The following HDAC4 variants were observed in gnomAD, a reference collection of about 807,000 sequenced individuals.
HDAC4 encodes the protein histone deacetylase 4, also known as histone deacetylase A.
Under a neutral mutation model 135.1 loss-of-function variants are expected in HDAC4, and 16 were observed. The ratio of observed to expected loss-of-function variants is 0.12; its 90% CI spans 0.08 to 0.18. HDAC4 has a LOEUF of 0.18. Ranked by LOEUF, HDAC4 falls within the 10% of genes least tolerant of loss-of-function variation. The probability of loss-of-function intolerance (pLI) is 1.00; values close to 1 mark genes in which losing one functional copy is unlikely to be tolerated. For missense variants in HDAC4, 1,143 were observed against 1,511.8 expected (o/e 0.76, Z 4.05); for synonymous variants, 685 against 653.4 (o/e 1.05, Z -0.74).
intron 2 of HDAC4, among the ~76,000 whole-genome samples, chr2:239,322,648 A>G (rs2053352612): frequency 6.6e-6 from 1 of 152,200 alleles, no homozygotes; most frequent in Admixed American, 6.5e-5. Context: ...TGCTTACAGC[A>G]GCCTGGCATG....
At chr2:239,174,744 A>G (rs2043650765) in intron 5 of HDAC4, among the ~76,000 whole-genome samples, 1 of 152,250 alleles carries the variant, frequency 6.6e-6, no homozygotes, top group Non-Finnish European at 1.5e-5. Flanking sequence ...TAACAACTTT[A>G]GAAGAAATGA....
chr2:239,131,148 G>C (rs2040553581), intron 11 of HDAC4, among the ~76,000 whole-genome samples: 1 of 152,258 alleles, frequency 6.6e-6, no homozygotes, highest in African/African-American at 2.4e-5. Context: ...CCTGTGACTG[G>C]CGAGGAACTG....
At chr2:239,347,640 G>A (rs1025701265) in intron 2 of HDAC4, among the ~76,000 whole-genome samples, 3 of 151,978 alleles carry the variant, frequency 2.0e-5, no homozygotes, top group South Asian at 2.1e-4. Context: ...TCAGCCTCCC[G>A]AGTAGCTGGG....
chr2:239,112,870 C>T (rs571601536), intron 13 of HDAC4, among the ~76,000 whole-genome samples: 7 of 152,188 alleles, frequency 4.6e-5, no homozygotes, highest in Admixed American at 6.5e-5. Context: ...CAGAGCCCAG[C>T]CCTGTGCTGC....
chr2:239,070,369 A>G (rs1195141648), intron 22 of HDAC4, among the ~76,000 whole-genome samples: 1 of 152,256 alleles, frequency 6.6e-6, no homozygotes, highest in Non-Finnish European at 1.5e-5. Flanking sequence ...GGAAATAAGG[A>G]AAGTATTCTA....
At chr2:239,087,479 ACT>A (rs748697609) in intron 19 of HDAC4, 78 bp downstream of exon 19, 8 of 1,386,216 alleles carry the variant, frequency 5.8e-6, no homozygotes, top group South Asian at 1.2e-5. Flanking sequence ...CCCCGCAGTC[ACT>A]CACACACCCA....
In HDAC4 at chr2:239,094,679, C is replaced by T. The variant is rs114348487; in HGVS notation, c.2280+331G>A. On this transcript the variant is annotated intron_variant, in intron 17 of 26. Coordinates refer to ENST00000543185, the MANE Select transcript of HDAC4 (RefSeq NM_001378414.1). The stretch of plus-strand genomic sequence containing the variant: ...GCACGCATCCTACCCGCACCATACT[C>T]GTGGCCTGATGTGAGCAGATTACTG... 4,053 of 1,209,182 alleles carry T rather than the reference C, an allele frequency of 3.4e-3. 121 individuals are homozygous for T. In the African/African-American group the frequency reaches 0.058, roughly 17 times the overall value. The allele number at this position is 1,209,182 out of a possible 1,614,324, so 74.9% of individuals were successfully genotyped here.
At chr2:239,095,799 C>A (rs996634874) in intron 16 of HDAC4, among the ~76,000 whole-genome samples, 1 of 152,196 alleles carries the variant, frequency 6.6e-6, no homozygotes, top group African/African-American at 2.4e-5. Context: ...CAGCTTAAAA[C>A]CCATCTGTGG....
At chr2:239,375,776 G>GC (rs1276176561) in intron 1 of HDAC4, among the ~76,000 whole-genome samples, 2 of 152,188 alleles carry the variant, frequency 1.3e-5, no homozygotes, top group African/African-American at 2.4e-5. Flanking sequence ...TTCCTCCATG[G>GC]CCCCCCAGGG....
At chr2:239,056,336 C>T (rs185653230) in intron 24 of HDAC4, among the ~76,000 whole-genome samples, 274 of 152,316 alleles carry the variant, frequency 1.8e-3, no homozygotes, top group Non-Finnish European at 3.1e-3. Context: ...GAGAACAGCT[C>T]GGTCCAAGGC....
intron 24 of HDAC4, among the ~76,000 whole-genome samples, chr2:239,062,155 G>A (rs1349817121): frequency 1.3e-5 from 2 of 152,256 alleles, no homozygotes; most frequent in Admixed American, 6.5e-5. Flanking sequence ...GCAGATAACT[G>A]AACATGGAAA....
chr2:239,324,008 C>T (rs992098626), intron 2 of HDAC4, among the ~76,000 whole-genome samples: 1 of 152,204 alleles, frequency 6.6e-6, no homozygotes, highest in East Asian at 1.9e-4. Context: ...AACGGGACCA[C>T]ATGCGCTACG....
chr2:239,173,967 A>G (rs1368535769), intron 5 of HDAC4, among the ~76,000 whole-genome samples: 2 of 152,246 alleles, frequency 1.3e-5, no homozygotes, highest in Non-Finnish European at 2.9e-5. Context: ...AATTATTAAG[A>G]AAAATTAAAG....
chr2:239,098,466 C>G (rs765697309), intron 16 of HDAC4, among the ~76,000 whole-genome samples: 1 of 152,254 alleles, frequency 6.6e-6, no homozygotes, highest in Admixed American at 6.5e-5. Flanking sequence ...CGCACCCTAC[C>G]CTGAGCATCA....
Position 239,313,558 on chromosome 2 carries a change from C to T in HDAC4, c.22+39120G>A, listed in dbSNP as rs760906526. ...ATCATCCCAGTTTTCCATGGCACTT[C>T]GCAAACACAGCTGGTCAGGCCCTTA... On this transcript the variant is annotated intron_variant, in intron 2 of 26. Transcript: ENST00000543185. This position sits in a 1 kb window ranked among gnomAD's most constrained non-coding sequence, Gnocchi z 5.1. Among the ~76,000 whole-genome samples, 8 of 152,268 alleles carry T rather than the reference C, an allele frequency of 5.3e-5. No individual in the cohort carries two copies. In the South Asian group the frequency reaches 1.0e-3, roughly 20 times the overall value.
At chr2:239,159,612 C>T (rs1004527622) in intron 6 of HDAC4, among the ~76,000 whole-genome samples, 2 of 151,938 alleles carry the variant, frequency 1.3e-5, no homozygotes, top group South Asian at 4.2e-4. Flanking sequence ...CCACACTCAC[C>T]TCACCCACTG....
intron 1 of HDAC4, among the ~76,000 whole-genome samples, chr2:239,392,806 A>G (rs1696316897): frequency 6.6e-6 from 1 of 152,164 alleles, no homozygotes; most frequent in Admixed American, 6.5e-5. Flanking sequence ...CTGGGGGCCC[A>G]CTTTCTGCCA....
chr2:239,223,416 G>A (rs2047074387), intron 3 of HDAC4, among the ~76,000 whole-genome samples: 1 of 152,196 alleles, frequency 6.6e-6, no homozygotes, highest in Non-Finnish European at 1.5e-5. Flanking sequence ...GGCGCTGCGG[G>A]TCACTGGGGG....
intron 16 of HDAC4, among the ~76,000 whole-genome samples, chr2:239,095,598 C>T (rs1389507565): frequency 6.6e-6 from 1 of 152,152 alleles, no homozygotes; most frequent in African/African-American, 2.4e-5. Flanking sequence ...ACAGGCGGAG[C>T]GTGTACAGCT....
Sources: allele counts gnomAD v4.1 joint callset (sites outside exome capture counted in the v4.1 genomes callset), GRCh38; gene constraint gnomAD v4.1.1; non-coding constraint Gnocchi (gnomAD v3.1); transcripts MANE v1.5; gene names NCBI Gene and HGNC (gene_info 2026-07-23, HGNC 2026-07-21).